Variants in XXYLT1 observed in about 807,000 individuals in gnomAD.
XXYLT1 encodes the protein UDP-xylose:alpha-xyloside alpha-1,3-xylosyltransferase.
In XXYLT1, 20 loss-of-function variants were observed where a neutral mutation model predicts 28.9. That is an observed-to-expected ratio of 0.69 (90% CI 0.49 to 1.00). The LOEUF (loss-of-function observed/expected upper bound fraction) is 1.00. XXYLT1 is among the 50% of genes least tolerant of loss of function. The pLI, the probability that XXYLT1 is intolerant of heterozygous loss-of-function variation, is 0.00. For missense variants in XXYLT1, 542 were observed against 560.1 expected, an observed-to-expected ratio of 0.97 and a Z score of 0.33; for synonymous variants, 257 against 253.8, an observed-to-expected ratio of 1.01 and a Z score of -0.12.
chr3:195,173,746 G>A lies in XXYLT1; in HGVS notation c.653-17165C>T, dbSNP rs1182320056. ...GTGAACTTCACTTTAGAAAGCAGAA[G>A]GAGCTTTGCATCTCAGGCCATCCCG... is the stretch of plus-strand genomic sequence containing the variant. On this transcript the variant is annotated intron_variant, in intron 2 of 3. Transcript: ENST00000310380. This position sits in a 1 kb window ranked among gnomAD's most constrained non-coding sequence, Gnocchi z 4.3. Among the ~76,000 whole-genome samples the A allele has an allele frequency of 6.6e-6, 1 of 152,202 alleles. No homozygotes were observed. Among genetic ancestry groups the A allele is most frequent in the Non-Finnish European group, 1.5e-5 (1 of 68,040 alleles).
chr3:195,231,610 A>T (rs1724301974), intron 1 of XXYLT1, among the ~76,000 whole-genome samples: 1 of 152,162 alleles, frequency 6.6e-6, no homozygotes, highest in Non-Finnish European at 1.5e-5. Flanking sequence ...GAATTTTATC[A>T]AATGCTTTTT....
At chr3:195,112,677 TTGGA>T (rs1474397289) in intron 3 of XXYLT1, among the ~76,000 whole-genome samples, 6 of 110,850 alleles carry the variant, frequency 5.4e-5, no homozygotes, top group African/African-American at 1.8e-4. Context: ...GTGGGAATAG[TTGGA>T]TGAAGCAGTG....
At chr3:195,183,617 A>AG (rs1409347639) in intron 2 of XXYLT1, 1 of 152,190 alleles carries the variant, frequency 6.6e-6, no homozygotes, top group African/African-American at 2.4e-5. Context: ...GGCCAGTGCC[A>AG]GAAGGTCTGG....
At chr3:195,110,290 T>TGC (rs1408012923) in intron 3 of XXYLT1, among the ~76,000 whole-genome samples, 1 of 5,214 alleles carries the variant, frequency 1.9e-4, no homozygotes, top group Non-Finnish European at 3.6e-4. Context: ...GGGGTGTATG[T>TGC]GTGCGTGTGT....
At position 195,086,078 on chromosome 3, in the gene XXYLT1, G is replaced by C. The variant is rs142103608; in HGVS notation, c.786-15967C>G. ...ATTTGTACACACAGAGCACACCTGG[G>C]CAAAACAGACCTGGTTTCCAGCACC... On this transcript the variant is annotated intron_variant, in intron 3 of 3. Coordinates refer to ENST00000310380, the MANE Select transcript of XXYLT1 (RefSeq NM_152531.5). The C allele has an allele frequency of 3.9e-5, 6 of 152,356 alleles. No individual in the cohort carries two copies. The East Asian group carries it at 1.2e-3, about 29-fold the overall frequency. 9.4% of individuals were successfully genotyped at this position (152,356 alleles called of 1,614,324 possible). A position where few individuals can be genotyped will look rare whatever the true frequency, so the allele number is the denominator to read the frequency against.
intron 2 of XXYLT1, chr3:195,207,490 G>A (rs1239367467): frequency 2.2e-6 from 1 of 456,408 alleles, no homozygotes; most frequent in East Asian, 7.0e-5. Context: ...TGTACAAGAG[G>A]TGTACACTCT....
At chr3:195,071,398 C>A (rs1271135601) in intron 3 of XXYLT1, among the ~76,000 whole-genome samples, 1 of 152,236 alleles carries the variant, frequency 6.6e-6, no homozygotes, top group Non-Finnish European at 1.5e-5. Context: ...TGAGGGGCCA[C>A]TTCTCAGCAC....
At chr3:195,247,478 G>A (rs943371530) in intron 1 of XXYLT1, among the ~76,000 whole-genome samples, 1 of 152,236 alleles carries the variant, frequency 6.6e-6, no homozygotes, top group Non-Finnish European at 1.5e-5. Context: ...CGGGAGGCTC[G>A]TCCCCATCTT....
At chr3:195,148,327 T>C (rs1719981444) in intron 3 of XXYLT1, among the ~76,000 whole-genome samples, 1 of 152,204 alleles carries the variant, frequency 6.6e-6, no homozygotes, top group African/African-American at 2.4e-5. Context: ...CAAAAACACT[T>C]AGCCCAGTTT....
chr3:195,081,226 A>T (rs962973181), intron 3 of XXYLT1, among the ~76,000 whole-genome samples: 7 of 152,126 alleles, frequency 4.6e-5, no homozygotes, highest in Non-Finnish European at 8.8e-5. Flanking sequence ...ACTAAAAAAA[A>T]AAAAGCGTTT....
intron 3 of XXYLT1, among the ~76,000 whole-genome samples, chr3:195,071,721 C>CTAT (rs1248422499): frequency 6.6e-6 from 1 of 152,130 alleles, no homozygotes; most frequent in Non-Finnish European, 1.5e-5. Context: ...TCATTTTACC[C>CTAT]TATTTCTTCC....
chr3:195,191,762 T>C (rs557918923), intron 2 of XXYLT1, among the ~76,000 whole-genome samples: 1 of 152,306 alleles, frequency 6.6e-6, no homozygotes, highest in South Asian at 2.1e-4. Flanking sequence ...AACAAGATCA[T>C]TAGAGAGAGA....
chr3:195,216,141 C>T (rs974141782), intron 2 of XXYLT1, among the ~76,000 whole-genome samples: 2 of 152,160 alleles, frequency 1.3e-5, no homozygotes, highest in Admixed American at 6.5e-5. Context: ...ATACCAGAAT[C>T]TCTGGGACAC....
At chr3:195,141,646 G>T (rs1419573751) in intron 3 of XXYLT1, among the ~76,000 whole-genome samples, 1 of 152,174 alleles carries the variant, frequency 6.6e-6, no homozygotes, top group Non-Finnish European at 1.5e-5. Context: ...GCTCAGTGGG[G>T]TCACACTCCA....
intron 3 of XXYLT1, chr3:195,094,235 G>C (rs1043058531): frequency 6.5e-6 from 1 of 152,806 alleles, no homozygotes; most frequent in Non-Finnish European, 1.5e-5. Flanking sequence ...ACAGCCCAGC[G>C]AGGCCCCAAG....
Position 195,180,450 on chromosome 3 carries a change from T to A in XXYLT1, c.653-23869A>T. ...GTTTCCTGCTGCTTTTCTCATTTCA[T>A]GAACTTCTTTTGAACAATTTCCTGT... On this transcript the variant is annotated intron_variant, in intron 2 of 3. Transcript: ENST00000310380. This position sits in a 1 kb window ranked among gnomAD's most constrained non-coding sequence, Gnocchi z 5.8. The A allele has an allele frequency of 1.0e-6, 1 of 985,714 alleles. No homozygotes were observed. Among genetic ancestry groups the A allele is most frequent in the Non-Finnish European group, 1.2e-6 (1 of 830,108 alleles). The allele number at this position is 985,714 out of a possible 1,614,324, so 61.1% of individuals were successfully genotyped here. A position where few individuals can be genotyped will look rare whatever the true frequency, so the allele number is the denominator to read the frequency against.
chr3:195,142,784 C>T lies in XXYLT1; in HGVS notation c.785+13665G>A, dbSNP rs1481918111. Among the ~76,000 whole-genome samples, 5 of 152,196 alleles carry T rather than the reference C, an allele frequency of 3.3e-5. No individual in the cohort carries two copies. In the East Asian group the frequency reaches 5.8e-4, roughly 18 times the overall value. ...CCCAGGCTTGCTTGGGAGGCAGCGC[C>T]GAACAGGGAGGATGGTGAAGTGGGA... is the stretch of plus-strand genomic sequence containing the variant. On this transcript the variant is annotated intron_variant, in intron 3 of 3. Coordinates refer to ENST00000310380, the MANE Select transcript of XXYLT1 (RefSeq NM_152531.5).
At chr3:195,081,576 C>G (rs1350574464) in intron 3 of XXYLT1, among the ~76,000 whole-genome samples, 1 of 152,168 alleles carries the variant, frequency 6.6e-6, no homozygotes, top group African/African-American at 2.4e-5. Flanking sequence ...TGGGGGCAGA[C>G]AGTCCCAGTC....
chr3:195,120,140 C>A (rs1182243218), intron 3 of XXYLT1, among the ~76,000 whole-genome samples: 2 of 152,232 alleles, frequency 1.3e-5, no homozygotes, highest in Non-Finnish European at 2.9e-5. Context: ...TATCCAGGTT[C>A]CACGGACAAG....
Sources: gnomAD v4.1 joint callset for allele counts (sites outside exome capture counted in the v4.1 genomes callset) on GRCh38, gnomAD v4.1.1 for gene constraint, Gnocchi (gnomAD v3.1) non-coding constraint, MANE v1.5 for transcripts, NCBI Gene and HGNC (gene_info 2026-07-23, HGNC 2026-07-21) for gene names.